Variants in HPSE2 observed in about 807,000 individuals in gnomAD.
The protein encoded by HPSE2 is heparanase 2 (inactive).
HPSE2 carries 38 observed loss-of-function variants against 60.5 expected under a neutral mutation model. That is an observed-to-expected ratio of 0.63 (90% CI 0.48 to 0.82). The LOEUF is 0.82. Ranked by LOEUF, HPSE2 falls within the 40% of genes least tolerant of loss-of-function variation. HPSE2 has a pLI of 0.00. For missense variants in HPSE2, 713 were observed against 740.4 expected (o/e 0.96, Z 0.43); for synonymous variants, 295 against 293.2 (o/e 1.01, Z -0.06).
chr10:98,675,325 T>A (rs1947608876), intron 6 of HPSE2, among the ~76,000 whole-genome samples: 1 of 152,138 alleles, frequency 6.6e-6, no homozygotes, highest in Non-Finnish European at 1.5e-5. Flanking sequence ...AAATGACTTG[T>A]CCAAGATAAA....
At chr10:98,850,972 G>A (rs1399118594) in intron 3 of HPSE2, among the ~76,000 whole-genome samples, 1 of 152,164 alleles carries the variant, frequency 6.6e-6, no homozygotes, top group Non-Finnish European at 1.5e-5. Context: ...AACAAGAACA[G>A]GGGATTAAAA....
At chr10:99,272,183 T>C in the HPSE2 span, among the ~76,000 whole-genome samples, 269 of 151,956 alleles carry the variant, frequency 1.8e-3, 1 homozygote, top group African/African-American at 5.9e-3. Context: ...AGGCAGAGAA[T>C]TGCTTGAACC....
the HPSE2 span, among the ~76,000 whole-genome samples, chr10:99,262,975 G>A: frequency 6.6e-6 from 1 of 152,030 alleles, no homozygotes; most frequent in African/African-American, 2.4e-5. Flanking sequence ...GAAGTGTGGG[G>A]CTGTGTGGTC....
chr10:98,646,057 T>C (rs1946760794), intron 6 of HPSE2, among the ~76,000 whole-genome samples: 1 of 152,164 alleles, frequency 6.6e-6, no homozygotes. Flanking sequence ...TTAGATATGC[T>C]TGGACAACTA....
chr10:98,580,836 A>ATATGTGTGTGTGTG, intron 9 of HPSE2, among the ~76,000 whole-genome samples: 3 of 119,558 alleles, frequency 2.5e-5, no homozygotes, highest in African/African-American at 1.1e-4. Context: ...ATATATATAT[A>ATATGTGTGTGTGTG]TGTGTGTGTG....
intron 6 of HPSE2, among the ~76,000 whole-genome samples, chr10:98,651,581 T>C (rs1946916189): frequency 6.6e-6 from 1 of 152,090 alleles, no homozygotes; most frequent in African/African-American, 2.4e-5. Flanking sequence ...TTTTTTTCCC[T>C]CCAATCTCCT....
At chr10:98,927,092 G>T (rs12248949) in intron 3 of HPSE2, among the ~76,000 whole-genome samples, 2,358 of 146,014 alleles carry the variant, frequency 0.016, 61 homozygotes, top group African/African-American at 0.061. Context: ...TTGATTTGGG[G>T]TGGAGAGCTC....
At chr10:98,947,138 G>C (rs913065443) in intron 3 of HPSE2, among the ~76,000 whole-genome samples, 1 of 152,054 alleles carries the variant, frequency 6.6e-6, no homozygotes, top group Non-Finnish European at 1.5e-5. Context: ...ACCATTTCAA[G>C]ATAAATGAAC....
At chr10:98,974,660 G>A (rs143636243) in intron 3 of HPSE2, among the ~76,000 whole-genome samples, 3 of 152,248 alleles carry the variant, frequency 2.0e-5, no homozygotes, top group East Asian at 3.9e-4. Context: ...CAAAAAGATC[G>A]TGGAAAATTC....
At chr10:99,071,189 C>A (rs1842778889) in intron 3 of HPSE2, among the ~76,000 whole-genome samples, 1 of 151,560 alleles carries the variant, frequency 6.6e-6, no homozygotes, top group African/African-American at 2.4e-5. Context: ...CCTGACTCAG[C>A]CTCCTGAGTA....
chr10:99,231,323 C>T (rs895809924), intron 2 of HPSE2, among the ~76,000 whole-genome samples: 2 of 152,180 alleles, frequency 1.3e-5, no homozygotes, highest in Non-Finnish European at 2.9e-5. Context: ...GAGCCCTTTA[C>T]ATATAAAACT....
chr10:99,138,962 C>T (rs1450418585), intron 3 of HPSE2, among the ~76,000 whole-genome samples: 2 of 152,060 alleles, frequency 1.3e-5, no homozygotes, highest in African/African-American at 4.8e-5. Flanking sequence ...AAAGAAGCCA[C>T]TATATCAAAA....
intron 2 of HPSE2, among the ~76,000 whole-genome samples, chr10:99,184,813 TATATATAGAGAG>T (rs1463731524): frequency 7.4e-4 from 23 of 30,966 alleles, no homozygotes; most frequent in African/African-American, 1.6e-3. Context: ...TATATATATA[TATATATAGAGAG>T]AGAGAGAGAG....
At chr10:99,153,306 GACAA>G (rs1466647663) in intron 2 of HPSE2, among the ~76,000 whole-genome samples, 1 of 152,168 alleles carries the variant, frequency 6.6e-6, no homozygotes, top group Non-Finnish European at 1.5e-5. Context: ...GCAGGGCACA[GACAA>G]ACAAAAAGAC....
chr10:99,019,442 A>G (rs966532236), intron 3 of HPSE2, among the ~76,000 whole-genome samples: 1 of 152,218 alleles, frequency 6.6e-6, no homozygotes, highest in African/African-American at 2.4e-5. Flanking sequence ...TTATTTCAAC[A>G]CATGAAGAAT....
At chr10:99,209,387 T>C (rs1030802046) in intron 2 of HPSE2, among the ~76,000 whole-genome samples, 2 of 152,008 alleles carry the variant, frequency 1.3e-5, no homozygotes, top group Admixed American at 6.5e-5. Context: ...TGCTGCTAAA[T>C]AACCAATTGA....
intron 3 of HPSE2, among the ~76,000 whole-genome samples, chr10:99,057,902 C>T (rs1360101854): frequency 1.2e-5 from 1 of 81,262 alleles, no homozygotes; most frequent in East Asian, 3.7e-4. Flanking sequence ...CAAGTGAACG[C>T]TGAATCTTAT....
intron 3 of HPSE2, among the ~76,000 whole-genome samples, chr10:99,099,821 A>G (rs1843876414): frequency 6.6e-6 from 1 of 152,098 alleles, no homozygotes; most frequent in Non-Finnish European, 1.5e-5. Flanking sequence ...AGGCAGCTAC[A>G]TTTCCTGTTC....
intron 4 of HPSE2, among the ~76,000 whole-genome samples, chr10:98,727,549 G>A (rs1271346853): frequency 6.6e-6 from 1 of 152,048 alleles, no homozygotes; most frequent in East Asian, 1.9e-4. Context: ...TACTTGGCTT[G>A]GGAAGCTGAG....
Sources: gnomAD v4.1 joint callset for allele counts (sites outside exome capture counted in the v4.1 genomes callset) on GRCh38, gnomAD v4.1.1 for gene constraint, MANE v1.5 for transcripts, NCBI Gene and HGNC (gene_info 2026-07-23, HGNC 2026-07-21) for gene names.